Variants in ASTN2 observed in about 807,000 individuals in gnomAD.
ASTN2 encodes the protein astrotactin 2.
ASTN2 carries 54 observed loss-of-function variants against 139.8 expected under a neutral mutation model. The observed-to-expected ratio is 0.39, with a 90% CI of 0.31 to 0.48. The LOEUF (loss-of-function observed/expected upper bound fraction) is 0.48. ASTN2 is among the 20% of genes least tolerant of loss of function. The probability of loss-of-function intolerance (pLI) is 0.95; values close to 1 mark genes in which losing one functional copy is unlikely to be tolerated. For missense variants in ASTN2, 1,565 were observed against 1,725.1 expected (o/e 0.91, Z 1.64); for synonymous variants, 756 against 719.5 (o/e 1.05, Z -0.81).
intron 1 of ASTN2, among the ~76,000 whole-genome samples, chr9:117,362,662 A>T (rs532825751): frequency 3.3e-5 from 5 of 152,110 alleles, no homozygotes; most frequent in African/African-American, 1.2e-4. Flanking sequence ...CCTTGTTTTG[A>T]TGTTTGACTA....
chr9:117,170,178 G>C (rs1339241102), intron 3 of ASTN2, among the ~76,000 whole-genome samples: 2 of 152,080 alleles, frequency 1.3e-5, no homozygotes, highest in Non-Finnish European at 2.9e-5. Context: ...TTGGCACATA[G>C]TAGGCACTAA....
At chr9:116,959,299 C>T (rs1397901594) in intron 10 of ASTN2, among the ~76,000 whole-genome samples, 1 of 152,064 alleles carries the variant, frequency 6.6e-6, no homozygotes, top group African/African-American at 2.4e-5. Context: ...GGCAGAAGGA[C>T]AAGAGGTATG....
At chr9:117,178,058 T>C (rs1282147460) in intron 3 of ASTN2, among the ~76,000 whole-genome samples, 2 of 152,180 alleles carry the variant, frequency 1.3e-5, no homozygotes, top group African/African-American at 4.8e-5. Flanking sequence ...TTGTCCCTTG[T>C]TGTTGGAATC....
At chr9:116,658,733 CTTTTT>C (rs71502074) in intron 16 of ASTN2, among the ~76,000 whole-genome samples, 9 of 101,132 alleles carry the variant, frequency 8.9e-5, no homozygotes, top group African/African-American at 2.9e-4. Context: ...GACCACCGCT[CTTTTT>C]TTTTTTTTTT....
chr9:116,820,658 C>T lies in ASTN2; in HGVS notation c.2166G>A (p.Leu722=). The T allele has an allele frequency of 6.2e-7, 1 of 1,614,166 alleles. No homozygotes were observed. Among genetic ancestry groups the T allele is most frequent in the Non-Finnish European group, 8.5e-7 (1 of 1,180,018 alleles). ...TGGTGCTCGAAGTGGCATCGTAGGGCAGGGGCAGCGTCTGCTGCAGGCACA... is the reference window on the plus strand; with the variant it reads ...TGGTGCTCGAAGTGGCATCGTAGGGTAGGGGCAGCGTCTGCTGCAGGCACA... ...EQLCLQQTLP[L]PYDATSSTIF... is the part of the protein sequence containing the mutation. Residue 722 remains leucine, a synonymous_variant, in exon 12 of 23, where the codon CTG becomes CTA. Transcript: ENST00000313400.
intron 13 of ASTN2, among the ~76,000 whole-genome samples, chr9:116,789,403 T>C (rs1830471725): frequency 6.6e-6 from 1 of 152,194 alleles, no homozygotes; most frequent in South Asian, 2.1e-4. Flanking sequence ...CTTAATGGGC[T>C]CCTCTGAGGA....
At chr9:116,770,454 G>A (rs917656047) in intron 13 of ASTN2, among the ~76,000 whole-genome samples, 1 of 152,098 alleles carries the variant, frequency 6.6e-6, no homozygotes, top group Non-Finnish European at 1.5e-5. Flanking sequence ...TTAGAATAGT[G>A]CTGAAAAACT....
chr9:117,034,755 G>T (rs1838335796), intron 6 of ASTN2, among the ~76,000 whole-genome samples: 1 of 152,064 alleles, frequency 6.6e-6, no homozygotes, highest in South Asian at 2.1e-4. Context: ...AACAACACTA[G>T]CTTAAGTCTG....
intron 13 of ASTN2, among the ~76,000 whole-genome samples, chr9:116,790,946 G>GA (rs1327704311): frequency 2.6e-4 from 36 of 140,182 alleles, no homozygotes; most frequent in African/African-American, 9.1e-4. Flanking sequence ...AAGAAAGAAA[G>GA]AAAGAAAGAA....
intron 2 of ASTN2, among the ~76,000 whole-genome samples, chr9:117,281,083 C>G (rs1354624725): frequency 6.6e-6 from 1 of 152,086 alleles, no homozygotes; most frequent in Non-Finnish European, 1.5e-5. Context: ...TCTTAATAAC[C>G]TCCCAACATA....
At chr9:116,487,007 G>C (rs539299089) in intron 20 of ASTN2, among the ~76,000 whole-genome samples, 2 of 152,252 alleles carry the variant, frequency 1.3e-5, no homozygotes, top group South Asian at 2.1e-4. Flanking sequence ...AAGGATACAA[G>C]AGGTAAAAGA....
intron 7 of ASTN2, among the ~76,000 whole-genome samples, chr9:116,999,684 C>G (rs1289957519): frequency 6.7e-6 from 1 of 149,780 alleles, no homozygotes; most frequent in Non-Finnish European, 1.5e-5. Context: ...CTCAACCTCC[C>G]AAGTAGCTGA....
At chr9:117,077,993 T>C (rs1246870726) in intron 5 of ASTN2, among the ~76,000 whole-genome samples, 2 of 152,218 alleles carry the variant, frequency 1.3e-5, no homozygotes, top group African/African-American at 4.8e-5. Context: ...TGCTGACCTG[T>C]AATATGCACC....
At chr9:116,692,169 T>C (rs535526192) in intron 16 of ASTN2, among the ~76,000 whole-genome samples, 1 of 152,340 alleles carries the variant, frequency 6.6e-6, no homozygotes, top group East Asian at 1.9e-4. Flanking sequence ...AATGGAGATA[T>C]CTAGAGAACC....
intron 2 of ASTN2, among the ~76,000 whole-genome samples, chr9:117,241,840 T>G (rs768651769): frequency 6.6e-6 from 1 of 151,898 alleles, no homozygotes; most frequent in Non-Finnish European, 1.5e-5. Flanking sequence ...AGAGAACATG[T>G]GATCCTTCTA....
At chr9:117,344,551 T>C (rs1417711479) in intron 1 of ASTN2, among the ~76,000 whole-genome samples, 1 of 152,136 alleles carries the variant, frequency 6.6e-6, no homozygotes, top group Non-Finnish European at 1.5e-5. Context: ...TGTCTTTGTG[T>C]ACACACACAA....
At chr9:117,055,085 C>A (rs1054946988) in intron 5 of ASTN2, among the ~76,000 whole-genome samples, 1 of 152,160 alleles carries the variant, frequency 6.6e-6, no homozygotes, top group African/African-American at 2.4e-5. Flanking sequence ...GGCCAGGTTC[C>A]TAACAGGCTG....
chr9:116,815,869 G>A (rs542925543), intron 12 of ASTN2, among the ~76,000 whole-genome samples: 3 of 141,758 alleles, frequency 2.1e-5, no homozygotes, highest in East Asian at 2.2e-4. Flanking sequence ...AGGAATATAT[G>A]AGAAATAACT....
At chr9:117,252,543 G>C (rs1232425616) in intron 2 of ASTN2, among the ~76,000 whole-genome samples, 2 of 152,142 alleles carry the variant, frequency 1.3e-5, no homozygotes, top group Non-Finnish European at 2.9e-5. Flanking sequence ...TAATGGCCCA[G>C]TGTCTCCCAA....
Sources: allele counts gnomAD v4.1 joint callset (sites outside exome capture counted in the v4.1 genomes callset), GRCh38; gene constraint gnomAD v4.1.1; transcripts MANE v1.5; gene names NCBI Gene and HGNC (gene_info 2026-07-23, HGNC 2026-07-21).